ROR2: variants seen among roughly 807,000 people sequenced by gnomAD.
The protein encoded by ROR2 is ROR family WNT receptor 2.
A neutral mutation model predicts 74.9 loss-of-function variants in ROR2; 33 were observed. That is an observed-to-expected ratio of 0.44 (90% CI 0.33 to 0.59). The LOEUF is 0.59. Among genes scored for constraint, ROR2 ranks in the 20% least tolerant of loss-of-function variants. The pLI is 0.02. For synonymous variants in ROR2, 586 were observed against 558.7 expected (o/e 1.05, Z -0.69); for missense variants, 1,216 against 1,313.8 (o/e 0.93, Z 1.15).
chr9:91,804,928 G>A (rs865831631), intron 1 of ROR2, among the ~76,000 whole-genome samples: 1 of 152,138 alleles, frequency 6.6e-6, no homozygotes, highest in Admixed American at 6.5e-5. Flanking sequence ...TTTCCTTTGT[G>A]ATTTAAAAGC....
At chr9:91,924,522 G>T (rs191982090) in intron 1 of ROR2, among the ~76,000 whole-genome samples, 2 of 152,378 alleles carry the variant, frequency 1.3e-5, no homozygotes, top group South Asian at 4.1e-4. Flanking sequence ...GGCCGGGCAC[G>T]ATGGCTTACG....
intron 1 of ROR2, among the ~76,000 whole-genome samples, chr9:91,816,302 A>G (rs765408250): frequency 9.7e-4 from 147 of 152,178 alleles, no homozygotes; most frequent in Admixed American, 3.5e-3. Context: ...ATCAGATCAC[A>G]TCTCCTCCTT....
intron 4 of ROR2, among the ~76,000 whole-genome samples, chr9:91,740,542 ACT>A (rs1319213285): frequency 7.0e-6 from 1 of 142,578 alleles, no homozygotes; most frequent in Middle Eastern, 3.2e-3. Context: ...ACAAAGCAAG[ACT>A]CTGTTTCGGG....
intron 5 of ROR2, among the ~76,000 whole-genome samples, chr9:91,736,269 A>G (rs1385946056): frequency 6.6e-6 from 1 of 152,132 alleles, no homozygotes; most frequent in Non-Finnish European, 1.5e-5. Flanking sequence ...GTACCAGCAC[A>G]TGGGCCAGGC....
intron 4 of ROR2, among the ~76,000 whole-genome samples, chr9:91,754,449 G>C (rs926180456): frequency 1.3e-5 from 2 of 152,022 alleles, no homozygotes; most frequent in African/African-American, 4.8e-5. Flanking sequence ...TTGAGGTCAG[G>C]AGTTCGAGAC....
At chr9:91,948,581 CTG>C (rs1281799960) in intron 1 of ROR2, 20 of 985,466 alleles carry the variant, frequency 2.0e-5, no homozygotes, top group Non-Finnish European at 2.4e-5. Flanking sequence ...CCAGGAAAGA[CTG>C]TGCAGCCTTT....
At chr9:91,942,915 G>T (rs958116519) in intron 1 of ROR2, among the ~76,000 whole-genome samples, 1 of 152,180 alleles carries the variant, frequency 6.6e-6, no homozygotes, top group South Asian at 2.1e-4. Flanking sequence ...AACTGTGGGA[G>T]AATACATTTC....
chr9:91,927,607 A>C (rs1587853388), intron 1 of ROR2, among the ~76,000 whole-genome samples: 1 of 122,960 alleles, frequency 8.1e-6, no homozygotes, highest in Admixed American at 1.1e-4. Flanking sequence ...TCTGTCACCC[A>C]TGTTGGAGTG....
chr9:91,739,893 G>C (rs982786312), intron 4 of ROR2, among the ~76,000 whole-genome samples: 3 of 152,196 alleles, frequency 2.0e-5, no homozygotes, highest in Admixed American at 6.5e-5. Context: ...CTCTGCCTGG[G>C]TATGTGCTGG....
At chr9:91,777,428 TC>T (rs751574560) in intron 1 of ROR2, among the ~76,000 whole-genome samples, 48 of 151,908 alleles carry the variant, frequency 3.2e-4, no homozygotes, top group Non-Finnish European at 6.2e-4. Flanking sequence ...ATCATCATCA[TC>T]ATCAAAATGT....
chr9:91,723,561 G>C lies in ROR2; in HGVS notation c.*101C>G, dbSNP rs950947484. 1 of 1,515,300 alleles carries C rather than the reference G, an allele frequency of 6.6e-7. No individual in the cohort carries two copies. Among genetic ancestry groups the C allele is most frequent in the East Asian group, 2.3e-5 (1 of 44,168 alleles). The allele number at this position is 1,515,300 out of a possible 1,614,324, so 93.9% of individuals were successfully genotyped here. ...TGCAAACAAGCCCACTGGCCGGCGGGCTCTTGTGATTGCTGAGTATGGTGT... is the reference window on the plus strand; with the variant it reads ...TGCAAACAAGCCCACTGGCCGGCGGCCTCTTGTGATTGCTGAGTATGGTGT... On this transcript the variant is annotated 3_prime_UTR_variant, in exon 9 of 9. Transcript: ENST00000375708.
intron 1 of ROR2, among the ~76,000 whole-genome samples, chr9:91,833,009 G>A (rs114376432): frequency 6.6e-6 from 1 of 152,140 alleles, no homozygotes; most frequent in Non-Finnish European, 1.5e-5. Context: ...AGCAAGTCAG[G>A]ATGTGGTACA....
chr9:91,894,189 G>GCT (rs1228560973), intron 1 of ROR2, among the ~76,000 whole-genome samples: 1 of 152,118 alleles, frequency 6.6e-6, no homozygotes, highest in African/African-American at 2.4e-5. Context: ...AACACACCAA[G>GCT]CTTGCTCCAG....
At chr9:91,901,403 C>T (rs1830674196) in intron 1 of ROR2, among the ~76,000 whole-genome samples, 1 of 152,216 alleles carries the variant, frequency 6.6e-6, no homozygotes, top group Admixed American at 6.5e-5. Flanking sequence ...TCCTTCCTCA[C>T]TGGCTTATCT....
intron 1 of ROR2, among the ~76,000 whole-genome samples, chr9:91,794,083 T>C (rs545489748): frequency 1.3e-5 from 2 of 152,358 alleles, no homozygotes; most frequent in South Asian, 4.1e-4. Flanking sequence ...CCAGCTCTGG[T>C]TGTCACAGCA....
At position 91,724,266 on chromosome 9, in the gene ROR2, T is replaced by TGGA; in HGVS notation, c.2225_2227dup (p.Ile742_His743insLeu). The TGGA allele has an allele frequency of 6.2e-7, 1 of 1,613,528 alleles. No homozygotes were observed. Among genetic ancestry groups the TGGA allele is most frequent in the South Asian group, 1.1e-5 (1 of 91,086 alleles). On this transcript the variant is annotated inframe_insertion, in exon 9 of 9. Transcript: ENST00000375708. ...GTTGCCCCAGGCTCGGAGCCGGCTG[T>TGGA]GGATGTCCTTGAAGCGGGGCCGCCG...
chr9:91,833,073 A>C (rs4639579), intron 1 of ROR2, among the ~76,000 whole-genome samples: 36,748 of 152,072 alleles, frequency 0.24, 4,923 homozygotes, highest in Admixed American at 0.42. Context: ...CAACACCCCC[A>C]AAGAGGGACA....
chr9:91,928,442 G>A (rs987562897), intron 1 of ROR2, among the ~76,000 whole-genome samples: 8 of 152,308 alleles, frequency 5.3e-5, no homozygotes, highest in African/African-American at 1.9e-4. Context: ...CACGGTGTGG[G>A]ACTGTGCCCT....
chr9:91,835,188 C>G (rs1314714779), intron 1 of ROR2, among the ~76,000 whole-genome samples: 4 of 151,968 alleles, frequency 2.6e-5, no homozygotes. Context: ...CCCTCACCTC[C>G]AAGGGTCCTG....
Sources: allele counts gnomAD v4.1 joint callset (sites outside exome capture counted in the v4.1 genomes callset), GRCh38; gene constraint gnomAD v4.1.1; transcripts MANE v1.5; gene names NCBI Gene and HGNC (gene_info 2026-07-23, HGNC 2026-07-21).